The following ANK3 variants were observed in gnomAD, a reference collection of about 807,000 sequenced individuals.
ANK3 encodes ankyrin 3.
Under a neutral mutation model 370.9 loss-of-function variants are expected in ANK3, and 57 were observed. The observed-to-expected ratio is 0.15, with a 90% CI of 0.12 to 0.19. The LOEUF (loss-of-function observed/expected upper bound fraction) is 0.19. ANK3 is among the 10% of genes least tolerant of loss of function. ANK3 has a pLI of 1.00. For synonymous variants in ANK3, 1,929 were observed against 1,946.3 expected, an observed-to-expected ratio of 0.99 and a Z score of 0.23; for missense variants, 4,439 against 5,302.1, an observed-to-expected ratio of 0.84 and a Z score of 5.06.
rs566009278 is a variant in ANK3 at position 60,366,291 on chromosome 10, C to T, written c.114+23134G>A. ...GAGTTTGCAGAGAGCTGAGATCATG[C>T]CACTGTACTCCAGCCTGAGTGACAG... On this transcript the variant is annotated intron_variant, in intron 1 of 43. Transcript: ENST00000280772. Among the ~76,000 whole-genome samples the T allele has an allele frequency of 5.3e-5, 8 of 152,242 alleles. No homozygotes were observed. In the South Asian group the frequency reaches 1.0e-3, roughly 20 times the overall value.
chr10:60,079,226 C>CACACACACACACACACACACACACA (rs1564852646), intron 36 of ANK3, among the ~76,000 whole-genome samples: 2 of 143,768 alleles, frequency 1.4e-5, no homozygotes, highest in South Asian at 2.2e-4. Context: ...CACACACACA[C>CACACACACACACACACACACACACA]CCCTCTTCTG....
intron 1 of ANK3, among the ~76,000 whole-genome samples, chr10:60,342,887 G>C (rs759829996): frequency 6.6e-6 from 1 of 152,180 alleles, no homozygotes; most frequent in African/African-American, 2.4e-5. Flanking sequence ...CTCTCTTGAA[G>C]ATTAACAATT....
At chr10:60,235,736 T>C (rs1429526918) in intron 7 of ANK3, among the ~76,000 whole-genome samples, 1 of 152,086 alleles carries the variant, frequency 6.6e-6, no homozygotes, top group Non-Finnish European at 1.5e-5. Flanking sequence ...GAGTTTAAGT[T>C]CTGCTGTTCA....
intron 10 of ANK3, among the ~76,000 whole-genome samples, chr10:60,206,492 A>AATCC (rs1369794328): frequency 1.3e-5 from 2 of 152,152 alleles, no homozygotes; most frequent in African/African-American, 4.8e-5. Flanking sequence ...AAATAATAAT[A>AATCC]ATATGTCCCT....
Position 60,172,351 on chromosome 10 carries a change from A to C in ANK3, c.2435T>G (p.Val812Gly), listed in dbSNP as rs1468953135. ...IARRLGYISV[V>G]DTLKIVTEET... ...TTCGGTCACTATCTTCAGGGTGTCC[A>C]CTACTGAGATGTAGCCGAGGCGCCG... is the stretch of plus-strand genomic sequence containing the variant. Residue 812 changes from valine (V) to glycine (G), a missense_variant, in exon 21 of 44, where the codon GTG (valine) becomes GGG (glycine). By Grantham distance (109) the Val-to-Gly change is moderately radical. Around this residue, in one of 13 missense-constraint regions of ANK3, gnomAD observed 702 missense variants for 941.5 expected, o/e 0.75. Transcript: ENST00000280772. 6.2e-7 allele frequency: 1 copy of C among 1,614,066 alleles called. No individual in the cohort carries two copies. The highest frequency in any genetic ancestry group is 1.7e-5 in the Admixed American group (1 of 60,032).
chr10:60,183,133 C>A (rs921537391), intron 17 of ANK3, among the ~76,000 whole-genome samples: 2 of 152,210 alleles, frequency 1.3e-5, no homozygotes, highest in Admixed American at 6.5e-5. Flanking sequence ...GATGGAGTCA[C>A]TTCAGGCTTC....
chr10:60,213,567 G>C (rs900186468), intron 8 of ANK3, 57 bp from the exon 9 acceptor site: 2 of 1,179,160 alleles, frequency 1.7e-6, no homozygotes, highest in Admixed American at 4.2e-5. Context: ...TATGAGTGCA[G>C]TGTACTTCTT....
intron 2 of ANK3, among the ~76,000 whole-genome samples, chr10:60,482,246 T>C (rs1379760401): frequency 6.6e-6 from 1 of 152,182 alleles, no homozygotes; most frequent in Non-Finnish European, 1.5e-5. Context: ...CTGAAGCATC[T>C]GCACTATCAC....
chr10:60,642,127 A>C (rs1283725399), intron 1 of ANK3, among the ~76,000 whole-genome samples: 9 of 148,448 alleles, frequency 6.1e-5, no homozygotes, highest in Admixed American at 4.7e-4. Flanking sequence ...AAAAGTCAGG[A>C]AACAACAGGT....
intron 1 of ANK3, among the ~76,000 whole-genome samples, chr10:60,296,496 A>T (rs2042544277): frequency 1.3e-5 from 2 of 152,216 alleles, no homozygotes; most frequent in Admixed American, 1.3e-4. Flanking sequence ...CCTTTCAAAC[A>T]TTTTTAAAAA....
chr10:60,516,137 A>G (rs1182374257), intron 2 of ANK3, among the ~76,000 whole-genome samples: 1 of 152,098 alleles, frequency 6.6e-6, no homozygotes, highest in East Asian at 1.9e-4. Context: ...GTGGCCAAGG[A>G]GGAGGTGAAA....
chr10:60,348,363 A>AC (rs776127567), intron 1 of ANK3, among the ~76,000 whole-genome samples: 13,210 of 89,332 alleles, frequency 0.15, 1,128 homozygotes, highest in East Asian at 0.34. Context: ...AAAAAAAAAA[A>AC]AAAAAAACAC....
At chr10:60,390,190 A>C (rs756203379), upstream of ANK3, among the ~76,000 whole-genome samples, 1 of 152,236 alleles carries the variant, frequency 6.6e-6, no homozygotes, top group African/African-American at 2.4e-5. Context: ...AAAACAATGC[A>C]TGTATTGCCT....
chr10:60,065,749 A>G (rs1413325492), intron 38 of ANK3, among the ~76,000 whole-genome samples: 1 of 152,206 alleles, frequency 6.6e-6, no homozygotes, highest in Non-Finnish European at 1.5e-5. Context: ...TTTAGCCTTA[A>G]TACACTTAAA....
intron 2 of ANK3, among the ~76,000 whole-genome samples, chr10:60,465,766 T>C (rs1424026365): frequency 1.3e-5 from 2 of 151,360 alleles, no homozygotes; most frequent in East Asian, 1.9e-4. Context: ...ATAGGAATAG[T>C]TTTCTTTTTC....
intron 5 of ANK3, among the ~76,000 whole-genome samples, chr10:60,265,125 T>C (rs756514729): frequency 9.2e-5 from 14 of 152,192 alleles, no homozygotes; most frequent in Non-Finnish European, 1.8e-4. Flanking sequence ...TGAACTTTAT[T>C]GTCTTAGCAA....
intron 1 of ANK3, among the ~76,000 whole-genome samples, chr10:60,281,410 T>G (rs114789979): frequency 2.6e-5 from 4 of 152,146 alleles, no homozygotes; most frequent in Non-Finnish European, 5.9e-5. Flanking sequence ...AAATGTCCCT[T>G]GGGGGAGGGG....
rs1183884348 is a variant in ANK3 at position 60,270,163 on chromosome 10, C to A, written c.481G>T (p.Asp161Tyr). ...GCTAGGCTCTGGCTTGCACCATTGT[C>A]AAGAAGAAACTTGACAACTTCCAGG... The part of the protein sequence containing the change: ...NHLEVVKFLL[D>Y]NGASQSLATE... Residue 161 changes from aspartate to tyrosine, a missense_variant, in exon 5 of 44, where the codon GAC (aspartate) becomes TAC (tyrosine). This residue lies in a region of ANK3 where 136 missense variants were observed against 230.5 expected (regional missense o/e 0.59). Transcript: ENST00000280772. 4.4e-6 allele frequency: 7 copies of A among 1,598,682 alleles called. No homozygotes were observed. In the South Asian group the frequency reaches 7.9e-5, roughly 18 times the overall value.
chr10:60,503,824 G>T (rs2075866359), intron 2 of ANK3, among the ~76,000 whole-genome samples: 1 of 152,098 alleles, frequency 6.6e-6, no homozygotes, highest in Non-Finnish European at 1.5e-5. Context: ...TTTGTCCAAG[G>T]TCAAGACATT....
Sources: allele counts gnomAD v4.1 joint callset (sites outside exome capture counted in the v4.1 genomes callset), GRCh38; gene constraint gnomAD v4.1.1; regional missense constraint gnomAD v4.1.1; transcripts MANE v1.5; gene names NCBI Gene and HGNC (gene_info 2026-07-23, HGNC 2026-07-21).